POLK: variants seen among roughly 807,000 people sequenced by gnomAD.
POLK encodes the protein polymerase (DNA directed) kappa.
POLK carries 76 observed loss-of-function variants against 94.0 expected under a neutral mutation model. The ratio of observed to expected loss-of-function variants is 0.81; its 90% confidence interval spans 0.67 to 0.98. POLK has a LOEUF of 0.98. POLK is among the 50% of genes least tolerant of loss of function. The pLI, the probability that POLK is intolerant of heterozygous loss-of-function variation, is 0.00. For synonymous variants in POLK, 349 were observed against 325.4 expected (o/e 1.07, Z -0.78); for missense variants, 954 against 1,010.1 (o/e 0.94, Z 0.75).
intron 1 of POLK, among the ~76,000 whole-genome samples, chr5:75,536,710 G>A (rs1247625891): frequency 6.6e-6 from 1 of 152,170 alleles, no homozygotes; most frequent in Non-Finnish European, 1.5e-5. Context: ...GGAAGCTCTA[G>A]CATGTGTTGC....
intron 2 of POLK, among the ~76,000 whole-genome samples, chr5:75,551,178 G>T (rs1770315139): frequency 6.6e-6 from 1 of 152,180 alleles, no homozygotes; most frequent in Non-Finnish European, 1.5e-5. Context: ...CTGTTAGGCA[G>T]AAATTTCTTA....
chr5:75,572,840 G>A lies in POLK; in HGVS notation c.409-898G>A, dbSNP rs539412658. 8.4e-4 allele frequency among the ~76,000 whole-genome samples: 127 copies of A among 152,044 alleles called. 1 individual carries two copies. Among genetic ancestry groups the A allele is most frequent in the African/African-American group, 2.6e-3 (108 of 41,514 alleles). On this transcript the variant is annotated intron_variant, in intron 4 of 14. Transcript: ENST00000241436. ...ACCATCTCACACCAGTTAGAATGGC[G>A]ATCATTAAAAAGTCAGGAAACAACA...
At chr5:75,571,132 TCA>T (rs891945651) in intron 4 of POLK, among the ~76,000 whole-genome samples, 8 of 152,186 alleles carry the variant, frequency 5.3e-5, no homozygotes, top group African/African-American at 1.7e-4. Flanking sequence ...CTCCTAAAAA[TCA>T]GTTATTGTTT....
At chr5:75,589,010 G>A (rs898015647) in intron 10 of POLK, among the ~76,000 whole-genome samples, 7 of 152,028 alleles carry the variant, frequency 4.6e-5, no homozygotes, top group Admixed American at 3.3e-4. Context: ...CTACCACAGG[G>A]GGTAAGAAAT....
intron 2 of POLK, among the ~76,000 whole-genome samples, chr5:75,549,764 A>G (rs1358784644): frequency 6.6e-6 from 1 of 152,084 alleles, no homozygotes; most frequent in Non-Finnish European, 1.5e-5. Flanking sequence ...AGTAAAGTAA[A>G]TCCCCATATA....
intron 3 of POLK, among the ~76,000 whole-genome samples, chr5:75,564,093 A>G (rs1401424221): frequency 6.6e-6 from 1 of 152,170 alleles, no homozygotes; most frequent in Non-Finnish European, 1.5e-5. Context: ...TTGGGTGCAT[A>G]TATGTTTAGG....
chr5:75,569,555 C>G (rs1347299853), intron 4 of POLK, 63 bp downstream of exon 4: 15 of 1,376,698 alleles, frequency 1.1e-5, no homozygotes, highest in Admixed American at 2.1e-5. Context: ...TTTACTGTTT[C>G]ATGAAGGGGG....
chr5:75,604,490 G>A (rs534902759), downstream of POLK, among the ~76,000 whole-genome samples: 28 of 152,198 alleles, frequency 1.8e-4, no homozygotes, highest in African/African-American at 3.1e-4. Flanking sequence ...TCCTCTCATC[G>A]CAGCTTCCCA....
chr5:75,581,736 G>C, intron 7 of POLK: 3 of 265,786 alleles, frequency 1.1e-5, no homozygotes, highest in Non-Finnish European at 2.1e-5. Context: ...AGTGCAGTGG[G>C]GCGATCTCAT....
intron 11 of POLK, among the ~76,000 whole-genome samples, chr5:75,592,652 G>A (rs1042944129): frequency 5.9e-5 from 9 of 151,534 alleles, no homozygotes; most frequent in African/African-American, 1.7e-4. Flanking sequence ...CCAAGATCCC[G>A]CCACTGCACT....
intron 13 of POLK, 133 bp from the exon 14 acceptor site, chr5:75,597,614 G>A (rs942840220): frequency 4.5e-6 from 2 of 449,314 alleles, no homozygotes; most frequent in African/African-American, 4.1e-5. Context: ...ATAGTTTTTG[G>A]TGTGTTTACA....
At chr5:75,533,985 G>T (rs1427663688) in intron 1 of POLK, among the ~76,000 whole-genome samples, 2 of 152,178 alleles carry the variant, frequency 1.3e-5, no homozygotes, top group East Asian at 3.8e-4. Context: ...AGCTTTTGGA[G>T]CTGGGCGTGG....
downstream of POLK, among the ~76,000 whole-genome samples, chr5:75,603,038 G>T (rs943806223): frequency 1.3e-5 from 2 of 152,186 alleles, no homozygotes; most frequent in Non-Finnish European, 2.9e-5. Context: ...AAGGAACTTT[G>T]TGCTAAGAAA....
intron 1 of POLK, among the ~76,000 whole-genome samples, chr5:75,531,432 A>G (rs1561340383): frequency 6.6e-6 from 1 of 150,720 alleles, no homozygotes; most frequent in African/African-American, 2.4e-5. Context: ...TTACACCAGT[A>G]TATAGCTATT....
At position 75,581,540 on chromosome 5, in the gene POLK, A is replaced by G. The variant is rs952074125; in HGVS notation, c.934+92A>G. On this transcript the variant is annotated intron_variant, in intron 7 of 14. Coordinates refer to ENST00000241436, the Ensembl canonical transcript of POLK. Reference sequence around the variant, plus strand: ...TTAGTAGTTTCTCATTATAAAGTATATAGTAACATTTTACTTACTTAGTCT... The same window carrying G: ...TTAGTAGTTTCTCATTATAAAGTATGTAGTAACATTTTACTTACTTAGTCT... The G allele has an allele frequency of 3.1e-5, 34 of 1,085,990 alleles. 1 individual carries two copies. In the South Asian group the frequency reaches 4.5e-4, roughly 15 times the overall value. The allele number at this position is 1,085,990 out of a possible 1,614,324, so 67.3% of individuals were successfully genotyped here.
intron 1 of POLK, among the ~76,000 whole-genome samples, chr5:75,541,245 C>T (rs920917575): frequency 5.3e-5 from 8 of 151,876 alleles, no homozygotes; most frequent in African/African-American, 1.2e-4. Context: ...GAGCCGATAT[C>T]GCACCATTGC....
At chr5:75,542,766 CGGCTCACTGCAACCT>C (rs1561352965) in intron 1 of POLK, among the ~76,000 whole-genome samples, 1 of 148,350 alleles carries the variant, frequency 6.7e-6, no homozygotes, top group Non-Finnish European at 1.5e-5. Flanking sequence ...GGCGTGATCT[CGGCTCACTGCAACCT>C]GGCTCACTGC....
chr5:75,573,714 T>C, intron 4 of POLK, 24 bp from the exon 5 acceptor site: 1 of 1,602,346 alleles, frequency 6.2e-7, no homozygotes. Context: ...TGTATTTTTT[T>C]CCATGTGGTC....
the POLK span, among the ~76,000 whole-genome samples, chr5:75,608,143 A>G: frequency 1.3e-5 from 2 of 152,082 alleles, no homozygotes; most frequent in Admixed American, 6.5e-5. Context: ...ACAAATACTT[A>G]TTGCAGGTCG....
Sources: allele counts gnomAD v4.1 joint callset (sites outside exome capture counted in the v4.1 genomes callset), GRCh38; gene constraint gnomAD v4.1.1; transcripts MANE v1.5; gene names NCBI Gene and HGNC (gene_info 2026-07-23, HGNC 2026-07-21).